SYT1: variants seen among roughly 807,000 people sequenced by gnomAD.
SYT1 encodes synaptotagmin 1.
A neutral mutation model predicts 44.8 loss-of-function variants in SYT1; 8 were observed. That is an observed-to-expected ratio of 0.18 (90% CI 0.10 to 0.32). The LOEUF (loss-of-function observed/expected upper bound fraction) is 0.32, where lower values mean the gene tolerates loss of function less well. Ranked by LOEUF, SYT1 falls within the 10% of genes least tolerant of loss-of-function variation. The pLI is 1.00. For synonymous variants in SYT1, 154 were observed against 188.8 expected (o/e 0.82, Z 1.51); for missense variants, 286 against 509.3 (o/e 0.56, Z 4.22).
intron 3 of SYT1, among the ~76,000 whole-genome samples, chr12:79,062,163 G>A (rs899321065): frequency 6.6e-6 from 1 of 152,090 alleles, no homozygotes; most frequent in Non-Finnish European, 1.5e-5. Context: ...CCTGTTGGGT[G>A]AGGCACTAAA....
chr12:79,071,842 T>A (rs1442874801), intron 3 of SYT1, among the ~76,000 whole-genome samples: 1 of 152,112 alleles, frequency 6.6e-6, no homozygotes, highest in East Asian at 1.9e-4. Context: ...GACTTCACCT[T>A]AATTACATCT....
chr12:79,322,665 G>A (rs1881420539), intron 8 of SYT1, among the ~76,000 whole-genome samples: 1 of 152,034 alleles, frequency 6.6e-6, no homozygotes, highest in African/African-American at 2.4e-5. Flanking sequence ...CCTCAATTAT[G>A]TGGCGTCTAT....
At chr12:79,412,991 T>C (rs1040053010) in intron 9 of SYT1, among the ~76,000 whole-genome samples, 1 of 152,130 alleles carries the variant, frequency 6.6e-6, no homozygotes, top group Non-Finnish European at 1.5e-5. Context: ...TGTGGAAAGA[T>C]ATGAGAGGAG....
intron 3 of SYT1, among the ~76,000 whole-genome samples, chr12:79,120,540 A>C (rs1484601227): frequency 6.6e-6 from 1 of 152,214 alleles, no homozygotes; most frequent in African/African-American, 2.4e-5. Flanking sequence ...CTCTTAGTAT[A>C]TAAGTTATCA....
At chr12:79,290,188 A>T (rs556744301) in intron 5 of SYT1, among the ~76,000 whole-genome samples, 1 of 152,186 alleles carries the variant, frequency 6.6e-6, no homozygotes, top group Non-Finnish European at 1.5e-5. Flanking sequence ...TCCAGCAAAC[A>T]AAGGGGAGGC....
At chr12:79,283,190 G>C (rs571932743) in intron 4 of SYT1, among the ~76,000 whole-genome samples, 1 of 152,042 alleles carries the variant, frequency 6.6e-6, no homozygotes, top group African/African-American at 2.4e-5. Flanking sequence ...TCTATCTAAA[G>C]GTGCCAATAC....
chr12:79,112,130 A>G (rs1364749722), intron 3 of SYT1, among the ~76,000 whole-genome samples: 3 of 152,050 alleles, frequency 2.0e-5, no homozygotes, highest in Non-Finnish European at 4.4e-5. Context: ...TAATCTATGC[A>G]CCAGCCTTAA....
At chr12:79,123,528 A>G (rs1468989683) in intron 3 of SYT1, among the ~76,000 whole-genome samples, 3 of 152,192 alleles carry the variant, frequency 2.0e-5, no homozygotes, top group South Asian at 4.1e-4. Flanking sequence ...GTTCAAGGCT[A>G]TGCTCTTAAC....
chr12:78,958,815 A>G (rs557067429), intron 1 of SYT1, among the ~76,000 whole-genome samples: 1 of 152,286 alleles, frequency 6.6e-6, no homozygotes, highest in South Asian at 2.1e-4. Context: ...TCATTTACGC[A>G]AACGTGGAAA....
intron 3 of SYT1, among the ~76,000 whole-genome samples, chr12:79,188,665 T>C (rs1872936977): frequency 6.6e-6 from 1 of 152,186 alleles, no homozygotes; most frequent in South Asian, 2.1e-4. Flanking sequence ...TGTGGCTTTC[T>C]AGCTAATACT....
chr12:78,937,715 T>C, intron 1 of SYT1, among the ~76,000 whole-genome samples: 1 of 152,186 alleles, frequency 6.6e-6, no homozygotes, highest in East Asian at 1.9e-4. Flanking sequence ...AAATTACTTT[T>C]TTCCTTCAGA....
intron 10 of SYT1, among the ~76,000 whole-genome samples, chr12:79,448,493 A>C (rs1870857458): frequency 6.6e-6 from 1 of 152,198 alleles, no homozygotes; most frequent in Non-Finnish European, 1.5e-5. Flanking sequence ...GCTGAACACC[A>C]ATGCCAGAAC....
chr12:79,396,146 G>A (rs1024419519), intron 9 of SYT1, among the ~76,000 whole-genome samples: 1 of 152,000 alleles, frequency 6.6e-6, no homozygotes, highest in African/African-American at 2.4e-5. Context: ...CATTTTATAA[G>A]GTCCAAAGAG....
At chr12:79,147,390 TAAAAGAC>T (rs1869985847) in intron 3 of SYT1, among the ~76,000 whole-genome samples, 1 of 152,172 alleles carries the variant, frequency 6.6e-6, no homozygotes, top group African/African-American at 2.4e-5. Flanking sequence ...TCTTGAAAAT[TAAAAGAC>T]AAAGAAAGGA....
intron 8 of SYT1, among the ~76,000 whole-genome samples, chr12:79,309,072 A>G (rs967398117): frequency 6.6e-6 from 1 of 152,180 alleles, no homozygotes; most frequent in African/African-American, 2.4e-5. Context: ...TAAAAATCAT[A>G]CTTTCTCAAG....
chr12:78,964,784 TTTTGAAAGAAAAAACA>T (rs1239752646), intron 1 of SYT1, among the ~76,000 whole-genome samples: 52 of 152,138 alleles, frequency 3.4e-4, no homozygotes, highest in Admixed American at 7.9e-4. Flanking sequence ...AAAATAATTC[TTTTGAAAGAAAAAACA>T]TTTGAGCCTC....
In SYT1 at chr12:78,921,210, G is replaced by A. The variant is rs565154462; in HGVS notation, c.-217+56101G>A. ...CTATAATGAACAGAAGTTAGCATAG[G>A]GGAATACTTTAGAGTAGAAATTTTG... is the stretch of plus-strand genomic sequence containing the variant. On this transcript the variant is annotated intron_variant, in intron 1 of 10. Transcript: ENST00000261205. Among the ~76,000 whole-genome samples the A allele has an allele frequency of 4.0e-4, 61 of 151,810 alleles. No individual in the cohort carries two copies. The South Asian group carries it at 0.011, about 28-fold the overall frequency.
intron 6 of SYT1, among the ~76,000 whole-genome samples, chr12:79,294,360 C>G (rs997180975): frequency 4.0e-5 from 6 of 151,880 alleles, no homozygotes; most frequent in Non-Finnish European, 7.4e-5. Context: ...CCCAAATGTT[C>G]TCAGTTAATT....
intron 1 of SYT1, among the ~76,000 whole-genome samples, chr12:78,893,100 G>A (rs1875146072): frequency 1.3e-5 from 2 of 151,754 alleles, no homozygotes; most frequent in Non-Finnish European, 2.9e-5. Context: ...ATTACAATCA[G>A]TATGCATGTA....
Sources: gnomAD v4.1 joint callset for allele counts (sites outside exome capture counted in the v4.1 genomes callset) on GRCh38, gnomAD v4.1.1 for gene constraint, MANE v1.5 for transcripts, NCBI Gene and HGNC (gene_info 2026-07-23, HGNC 2026-07-21) for gene names.